The following ABCA12 variants were observed in gnomAD, a reference collection of about 807,000 sequenced individuals.
ABCA12 encodes glucosylceramide transporter ABCA12.
Under a neutral mutation model 293.5 loss-of-function variants are expected in ABCA12, and 156 were observed. The ratio of observed to expected loss-of-function variants is 0.53; its 90% CI spans 0.47 to 0.61. ABCA12 has a LOEUF of 0.61. ABCA12 is among the 20% of genes least tolerant of loss of function. The probability of loss-of-function intolerance (pLI) is 0.00; values close to 1 mark genes in which losing one functional copy is unlikely to be tolerated. For missense variants in ABCA12, 2,797 were observed against 3,090.2 expected (o/e 0.91, Z 2.25); for synonymous variants, 1,063 against 1,108.0 (o/e 0.96, Z 0.81).
chr2:214,965,824 T>C (rs1055679403), intron 39 of ABCA12, among the ~76,000 whole-genome samples: 1 of 152,194 alleles, frequency 6.6e-6, no homozygotes, highest in Admixed American at 6.6e-5. Context: ...GAAGACAGTG[T>C]GGTGATTCCT....
intron 3 of ABCA12, among the ~76,000 whole-genome samples, chr2:215,057,617 T>C (rs1420695056): frequency 1.3e-5 from 2 of 152,034 alleles, no homozygotes; most frequent in African/African-American, 4.8e-5. Context: ...ATGAGATAAA[T>C]ATTCCACCAG....
intron 9 of ABCA12, chr2:215,029,387 G>A (rs1351675614): frequency 6.6e-6 from 1 of 152,148 alleles, no homozygotes; most frequent in African/African-American, 2.4e-5. Flanking sequence ...TCAGTAAGGT[G>A]GTTCTCCCTT....
At chr2:215,124,134 A>G (rs1230226485) in intron 1 of ABCA12, among the ~76,000 whole-genome samples, 6 of 152,170 alleles carry the variant, frequency 3.9e-5, no homozygotes, top group Admixed American at 2.6e-4. Context: ...ATTCCATCAC[A>G]TATATATTCC....
At chr2:214,937,765 CAT>C in intron 50 of ABCA12, 150 bp from the exon 51 acceptor site, 1 of 646,198 alleles carries the variant, frequency 1.5e-6, no homozygotes, top group East Asian at 2.9e-5. Flanking sequence ...AAGTTCAGGA[CAT>C]GTTGCAAACT....
In ABCA12 at chr2:215,060,823, G is replaced by A. The variant is rs568766300; in HGVS notation, c.317+3243C>T. On this transcript the variant is annotated intron_variant, in intron 3 of 52. Transcript: ENST00000272895. Reference sequence around the variant, plus strand: ...GCCTTGGCACTTTAAAATTTGACCCGACTAAACTCTGATTAAATATTTTTT... The same window carrying A: ...GCCTTGGCACTTTAAAATTTGACCCAACTAAACTCTGATTAAATATTTTTT... Among the ~76,000 whole-genome samples the A allele has an allele frequency of 7.9e-5, 12 of 151,974 alleles. No individual in the cohort carries two copies. The South Asian group carries it at 2.1e-3, about 26-fold the overall frequency.
In ABCA12 at chr2:214,952,793, T is replaced by C. The variant is rs561692918; in HGVS notation, c.6647+1061A>G. On this transcript the variant is annotated intron_variant, in intron 44 of 52. Coordinates refer to ENST00000272895, the MANE Select transcript of ABCA12 (RefSeq NM_173076.3). ...ATTCCATAATCTCCCAACCACATGT[T>C]AAACTGTAACTCCTACTTTTTCATT... is the stretch of plus-strand genomic sequence containing the variant. Among the ~76,000 whole-genome samples, 66 of 152,348 alleles carry C rather than the reference T, an allele frequency of 4.3e-4. 1 individual carries two copies. The South Asian group carries it at 0.013, about 31-fold the overall frequency.
At chr2:214,962,086 T>C (rs1210716558) in intron 39 of ABCA12, 2 of 152,326 alleles carry the variant, frequency 1.3e-5, no homozygotes, top group East Asian at 3.9e-4. Context: ...TTTTCTTTAT[T>C]CTTTTTAATT....
chr2:214,977,904 T>A (rs749250788), intron 33 of ABCA12, among the ~76,000 whole-genome samples: 1 of 151,602 alleles, frequency 6.6e-6, no homozygotes, highest in Non-Finnish European at 1.5e-5. Flanking sequence ...TCCTTTTTTT[T>A]ATGACTATTG....
intron 6 of ABCA12, among the ~76,000 whole-genome samples, chr2:215,048,415 G>C (rs540532629): frequency 1.4e-5 from 2 of 141,328 alleles, no homozygotes; most frequent in East Asian, 3.9e-4. Flanking sequence ...CACAGAATCA[G>C]CCGGTGCAGT....
intron 31 of ABCA12, among the ~76,000 whole-genome samples, chr2:214,980,042 T>G (rs1215117961): frequency 6.6e-6 from 1 of 152,210 alleles, no homozygotes; most frequent in Non-Finnish European, 1.5e-5. Flanking sequence ...TGTGAACCCA[T>G]GACTTCATAT....
In ABCA12 at chr2:214,978,972, G is replaced by A. The variant is rs1699587276; in HGVS notation, c.4809C>T (p.Leu1603=). Reference sequence around the variant, plus strand: ...TATCCTCCTTGAGGTAGGCTTCGGGGAGATGTGATTGGATCATTGCTGTCA... The same window carrying A: ...TATCCTCCTTGAGGTAGGCTTCGGGAAGATGTGATTGGATCATTGCTGTCA... The part of the protein sequence containing the change: ...MAVTAMIQSH[L]PEAYLKEDIG... Residue 1603 remains leucine, a synonymous_variant, in exon 32 of 53, where the codon CTC becomes CTT. Coordinates refer to ENST00000272895, the MANE Select transcript of ABCA12 (RefSeq NM_173076.3). The A allele has an allele frequency of 1.2e-6, 2 of 1,613,944 alleles. No individual in the cohort carries two copies. Among genetic ancestry groups the A allele is most frequent in the African/African-American group, 1.3e-5 (1 of 74,900 alleles).
chr2:215,001,180 G>T (rs1210182794), intron 21 of ABCA12, among the ~76,000 whole-genome samples, 160 bp from the exon 22 acceptor site: 2 of 152,142 alleles, frequency 1.3e-5, no homozygotes, highest in African/African-American at 2.4e-5. Context: ...TTAATTGGAG[G>T]TGTCAACCTC....
chr2:215,127,029 C>A (rs1321570699), intron 1 of ABCA12, among the ~76,000 whole-genome samples: 1 of 151,986 alleles, frequency 6.6e-6, no homozygotes, highest in Non-Finnish European at 1.5e-5. Context: ...TTTAAATTTC[C>A]ATATGATTTT....
chr2:214,997,012 A>T (rs1700049234), intron 23 of ABCA12, among the ~76,000 whole-genome samples: 1 of 152,204 alleles, frequency 6.6e-6, no homozygotes, highest in South Asian at 2.1e-4. Flanking sequence ...TCTAAAAATC[A>T]CATAATGCTT....
intron 48 of ABCA12, among the ~76,000 whole-genome samples, chr2:214,947,071 T>C (rs911934399): frequency 6.6e-6 from 1 of 152,194 alleles, no homozygotes; most frequent in African/African-American, 2.4e-5. Context: ...AAAAGAGAGA[T>C]GATTTCTTCA....
At chr2:215,072,565 A>C (rs1268809224) in intron 2 of ABCA12, among the ~76,000 whole-genome samples, 2 of 152,198 alleles carry the variant, frequency 1.3e-5, no homozygotes, top group Non-Finnish European at 2.9e-5. Context: ...CTGCATGTCC[A>C]GACCAAAATG....
chr2:215,097,696 A>G (rs1205577576), intron 2 of ABCA12, among the ~76,000 whole-genome samples: 1 of 152,206 alleles, frequency 6.6e-6, no homozygotes, highest in East Asian at 1.9e-4. Context: ...TTGCACTAAC[A>G]TTGCAGAAAA....
At chr2:214,970,221 C>T in intron 37 of ABCA12, 52 bp downstream of exon 37, 1 of 1,556,340 alleles carries the variant, frequency 6.4e-7, no homozygotes, top group South Asian at 1.2e-5. Context: ...TAGAAGGCAG[C>T]TACCATTAAA....
intron 3 of ABCA12, among the ~76,000 whole-genome samples, chr2:215,057,726 A>G (rs1166291860): frequency 6.6e-6 from 1 of 152,088 alleles, no homozygotes; most frequent in African/African-American, 2.4e-5. Context: ...GCACATGACA[A>G]GCACTGGATA....
Sources: allele counts gnomAD v4.1 joint callset (sites outside exome capture counted in the v4.1 genomes callset), GRCh38; gene constraint gnomAD v4.1.1; transcripts MANE v1.5; gene names NCBI Gene and HGNC (gene_info 2026-07-23, HGNC 2026-07-21).